PLXNA4: variants seen among roughly 807,000 people sequenced by gnomAD.
PLXNA4 encodes the protein plexin A4.
PLXNA4 carries 44 observed loss-of-function variants against 191.8 expected under a neutral mutation model. The ratio of observed to expected loss-of-function variants is 0.23; its 90% CI spans 0.18 to 0.29. The LOEUF is 0.29. PLXNA4 is among the 10% of genes least tolerant of loss of function. The probability of loss-of-function intolerance (pLI) is 1.00; values close to 1 mark genes in which losing one functional copy is unlikely to be tolerated. For synonymous variants in PLXNA4, 1,082 were observed against 1,009.5 expected (o/e 1.07, Z -1.36); for missense variants, 1,800 against 2,488.8 (o/e 0.72, Z 5.89).
At chr7:132,638,564 A>C (rs1472670808) in intron 2 of PLXNA4, among the ~76,000 whole-genome samples, 1 of 152,126 alleles carries the variant, frequency 6.6e-6, no homozygotes. Context: ...AGGCAGGAGA[A>C]TCACTTGAAC....
chr7:132,477,263 GC>G (rs1466930837), intron 3 of PLXNA4, among the ~76,000 whole-genome samples: 1 of 152,082 alleles, frequency 6.6e-6, no homozygotes, highest in Non-Finnish European at 1.5e-5. Context: ...ATACACACCA[GC>G]CCCCTCCCCA....
chr7:132,312,304 G>T (rs778339374), intron 3 of PLXNA4, among the ~76,000 whole-genome samples: 13 of 151,976 alleles, frequency 8.6e-5, no homozygotes, highest in Non-Finnish European at 1.8e-4. Flanking sequence ...TATTTATGTG[G>T]CATCATCAAG....
At chr7:132,598,069 A>T (rs1802750026) in intron 2 of PLXNA4, among the ~76,000 whole-genome samples, 1 of 152,128 alleles carries the variant, frequency 6.6e-6, no homozygotes, top group African/African-American at 2.4e-5. Flanking sequence ...AACTTGTGCT[A>T]TGTTGCCCTT....
At chr7:132,555,787 C>T (rs918703610) in intron 1 of PLXNA4, among the ~76,000 whole-genome samples, 1 of 152,136 alleles carries the variant, frequency 6.6e-6, no homozygotes, top group South Asian at 2.1e-4. Context: ...GATGGTTAGT[C>T]GACATCTGAA....
intron 4 of PLXNA4, among the ~76,000 whole-genome samples, chr7:132,253,311 C>T (rs1347625868): frequency 6.7e-6 from 1 of 150,232 alleles, no homozygotes; most frequent in African/African-American, 2.5e-5. Flanking sequence ...TCTCAGCTCA[C>T]TGCAACTTCT....
At chr7:132,237,257 T>C (rs1281725267) in intron 5 of PLXNA4, among the ~76,000 whole-genome samples, 1 of 152,186 alleles carries the variant, frequency 6.6e-6, no homozygotes, top group Non-Finnish European at 1.5e-5. Context: ...CAGAAATCCA[T>C]ACCTGAGGGA....
intron 20 of PLXNA4, among the ~76,000 whole-genome samples, chr7:132,177,789 C>T (rs1796525555): frequency 6.6e-6 from 1 of 152,150 alleles, no homozygotes; most frequent in Non-Finnish European, 1.5e-5. Flanking sequence ...AATTAAGCAG[C>T]GTAAATATAA....
intron 3 of PLXNA4, among the ~76,000 whole-genome samples, chr7:132,410,653 T>A (rs1459996487): frequency 1.3e-5 from 2 of 152,166 alleles, no homozygotes. Context: ...GTTTCGTCTG[T>A]CTAGGCTGCC....
chr7:132,455,939 G>A (rs1341344874), intron 3 of PLXNA4, among the ~76,000 whole-genome samples: 3 of 152,188 alleles, frequency 2.0e-5, no homozygotes, highest in African/African-American at 7.2e-5. Flanking sequence ...GAGAATGCAG[G>A]TGAGGCCAGC....
chr7:132,438,341 T>G (rs1585135177), intron 3 of PLXNA4, among the ~76,000 whole-genome samples: 3 of 152,326 alleles, frequency 2.0e-5, no homozygotes. Flanking sequence ...ACATAGGGCC[T>G]GGCATGTAGT....
intron 3 of PLXNA4, among the ~76,000 whole-genome samples, chr7:132,347,541 G>A (rs1803294617): frequency 6.6e-6 from 1 of 152,212 alleles, no homozygotes; most frequent in Non-Finnish European, 1.5e-5. Flanking sequence ...AGAGGTATTG[G>A]AGAATAGTAT....
chr7:132,384,276 G>C, intron 3 of PLXNA4: 1 of 985,450 alleles, frequency 1.0e-6, no homozygotes, highest in Middle Eastern at 5.2e-4. Context: ...TTGTTTTCAA[G>C]TAACCAGATT....
chr7:132,157,230 C>G (rs1318220767), intron 25 of PLXNA4, among the ~76,000 whole-genome samples: 1 of 152,202 alleles, frequency 6.6e-6, no homozygotes, highest in Admixed American at 6.5e-5. Flanking sequence ...CTGGCTTGTG[C>G]AGCCTCTGGC....
chr7:132,436,515 T>G (rs1217028052), intron 3 of PLXNA4, among the ~76,000 whole-genome samples: 3 of 152,082 alleles, frequency 2.0e-5, no homozygotes, highest in Admixed American at 6.5e-5. Context: ...TCACTGCAAA[T>G]GGAAACACAG....
chr7:132,582,659 G>A (rs551829392), intron 2 of PLXNA4, among the ~76,000 whole-genome samples: 1 of 152,290 alleles, frequency 6.6e-6, no homozygotes, highest in East Asian at 1.9e-4. Context: ...CCCCAGTTAA[G>A]CCTTCAGATG....
intron 3 of PLXNA4, among the ~76,000 whole-genome samples, chr7:132,330,539 T>C (rs952686519): frequency 2.0e-5 from 3 of 152,184 alleles, no homozygotes; most frequent in African/African-American, 7.2e-5. Context: ...ACCGCACACT[T>C]TAAAATGTGA....
chr7:132,328,328 C>G (rs1178948713), intron 3 of PLXNA4, among the ~76,000 whole-genome samples: 1 of 152,140 alleles, frequency 6.6e-6, no homozygotes, highest in East Asian at 1.9e-4. Context: ...TTCTGATCTT[C>G]TCGGCCTGTG....
At chr7:132,205,328 C>T (rs1157379122) in intron 10 of PLXNA4, among the ~76,000 whole-genome samples, 1 of 152,156 alleles carries the variant, frequency 6.6e-6, no homozygotes, top group Non-Finnish European at 1.5e-5. Flanking sequence ...CCCAGATCTG[C>T]CGGACTGGAA....
chr7:132,194,282 A>C, intron 13 of PLXNA4, 103 bp from the exon 14 acceptor site: 7 of 1,458,990 alleles, frequency 4.8e-6, no homozygotes, highest in South Asian at 1.5e-5. Context: ...GTAGGATCTC[A>C]GGGATGGCCA....
Sources: allele counts gnomAD v4.1 joint callset (sites outside exome capture counted in the v4.1 genomes callset), GRCh38; gene constraint gnomAD v4.1.1; transcripts MANE v1.5; gene names NCBI Gene and HGNC (gene_info 2026-07-23, HGNC 2026-07-21).